Variants in GPD1L observed in about 807,000 individuals in gnomAD.
The protein encoded by GPD1L is glycerol-3-phosphate dehydrogenase 1 like, also known as glycerol-3-phosphate dehydrogenase 1-like protein.
GPD1L carries 17 observed loss-of-function variants against 32.9 expected under a neutral mutation model. That is an observed-to-expected ratio of 0.52 (90% CI 0.35 to 0.78). The LOEUF is 0.78. GPD1L is among the 30% of genes least tolerant of loss of function. The pLI, the probability that GPD1L is intolerant of heterozygous loss-of-function variation, is 0.01. For synonymous variants in GPD1L, 187 were observed against 165.9 expected, an observed-to-expected ratio of 1.13 and a Z score of -0.98; for missense variants, 361 against 447.8, an observed-to-expected ratio of 0.81 and a Z score of 1.75.
intron 7 of GPD1L, among the ~76,000 whole-genome samples, chr3:32,161,247 G>C (rs1303059515): frequency 6.6e-6 from 1 of 152,148 alleles, no homozygotes; most frequent in Non-Finnish European, 1.5e-5. Context: ...GGTGGATGGA[G>C]CATTTGTCTT....
At position 32,158,861 on chromosome 3, in the gene GPD1L, T is replaced by C; in HGVS notation, c.619-15T>C. On this transcript the variant is annotated splice_polypyrimidine_tract_variant and intron_variant, in intron 5 of 7. Coordinates refer to ENST00000282541, the MANE Select transcript of GPD1L (RefSeq NM_015141.4). ...GTGCTGTAACGGCATCTGGGCTTTG[T>C]CATCTCCTTTGCAGAACATCGTAGC... 6.2e-7 allele frequency: 1 copy of C among 1,613,078 alleles called. No individual in the cohort carries two copies. The highest frequency in any genetic ancestry group is 8.5e-7 in the Non-Finnish European group (1 of 1,179,526).
rs781200890 is a variant in GPD1L at position 32,165,931 on chromosome 3, G to T, written c.*21G>T. 1 of 1,339,022 alleles carries T rather than the reference G, an allele frequency of 7.5e-7. No homozygotes were observed. The highest frequency in any genetic ancestry group is 1.1e-6 in the Non-Finnish European group (1 of 928,786). The allele number at this position is 1,339,022 out of a possible 1,614,324, so 82.9% of individuals were successfully genotyped here. On this transcript the variant is annotated 3_prime_UTR_variant, in exon 8 of 8. Coordinates refer to ENST00000282541, the MANE Select transcript of GPD1L (RefSeq NM_015141.4). ...CATAAAGTGAATCATGCAACGTGTT[G>T]GGGGAAGTTCTGCCTTTCTGATCAA...
At chr3:32,121,160 C>A (rs1017906538) in intron 1 of GPD1L, among the ~76,000 whole-genome samples, 2 of 151,784 alleles carry the variant, frequency 1.3e-5, no homozygotes, top group African/African-American at 4.8e-5. Flanking sequence ...TCTCCACCTT[C>A]CCTCCCTCCT....
At chr3:32,138,922 T>C (rs997573890) in intron 3 of GPD1L, among the ~76,000 whole-genome samples, 195 bp downstream of exon 3, 1 of 152,110 alleles carries the variant, frequency 6.6e-6, no homozygotes, top group Non-Finnish European at 1.5e-5. Flanking sequence ...CTGCTTTCCA[T>C]TGCAGCAGAC....
chr3:32,145,837 G>A (rs1700812269), intron 4 of GPD1L, among the ~76,000 whole-genome samples: 1 of 152,186 alleles, frequency 6.6e-6, no homozygotes, highest in South Asian at 2.1e-4. Context: ...GAACAGTAAT[G>A]CTACAGAGTA....
Position 32,146,739 on chromosome 3 carries a change from A to G in GPD1L, c.618+5A>G. The G allele has an allele frequency of 2.0e-6, 3 of 1,533,818 alleles. No homozygotes were observed. The highest frequency in any genetic ancestry group is 2.7e-6 in the Non-Finnish European group (3 of 1,107,880). The stretch of plus-strand genomic sequence containing the variant: ...GAACTCTGTGGTGCGCTTAAGGTAA[A>G]GTCAGCCTCAGGGGAGGAGTTCATC... On this transcript the variant is annotated splice_donor_5th_base_variant and intron_variant, in intron 5 of 7. Coordinates refer to ENST00000282541, the MANE Select transcript of GPD1L (RefSeq NM_015141.4).
intron 1 of GPD1L, among the ~76,000 whole-genome samples, chr3:32,121,459 ATATATATTTCTCTC>A (rs1559570381): frequency 0.068 from 9,272 of 136,200 alleles, 1,386 homozygotes; most frequent in African/African-American, 0.097. Flanking sequence ...ATTTCTCTCT[ATATATATTTCTCTC>A]TATATATATT....
intron 5 of GPD1L, among the ~76,000 whole-genome samples, chr3:32,154,914 A>AT (rs1231490906): frequency 6.6e-6 from 1 of 151,808 alleles, no homozygotes; most frequent in Non-Finnish European, 1.5e-5. Context: ...TGCCCAGCTA[A>AT]TTTTTTGTAT....
At chr3:32,124,112 C>G (rs963342004) in intron 1 of GPD1L, among the ~76,000 whole-genome samples, 5 of 152,140 alleles carry the variant, frequency 3.3e-5, no homozygotes, top group Non-Finnish European at 4.4e-5. Flanking sequence ...GTAGCCCAAG[C>G]TGGAATACAG....
intron 2 of GPD1L, among the ~76,000 whole-genome samples, chr3:32,136,649 G>T (rs941634749): frequency 2.0e-5 from 3 of 152,172 alleles, no homozygotes; most frequent in Admixed American, 2.0e-4. Context: ...AAGGTAATAG[G>T]CTAAGATACT....
At position 32,121,754 on chromosome 3, in the gene GPD1L, T is replaced by C. The variant is rs1212266448; in HGVS notation, c.48-6322T>C. On this transcript the variant is annotated intron_variant, in intron 1 of 7. Coordinates refer to ENST00000282541, the MANE Select transcript of GPD1L (RefSeq NM_015141.4). ...ATATATTTCTATATATATATTTCTA[T>C]ATATATATATTTCTATATATATATA... is the stretch of plus-strand genomic sequence containing the variant. Among the ~76,000 whole-genome samples, 30 of 140,216 alleles carry C rather than the reference T, an allele frequency of 2.1e-4. 2 individuals are homozygous for C. The Admixed American group carries it at 2.3e-3, about 11-fold the overall frequency. 92.0% of individuals were successfully genotyped at this position (140,216 alleles called of 152,430 possible).
chr3:32,139,467 A>ATGTTTT (rs1700708601), intron 3 of GPD1L, among the ~76,000 whole-genome samples: 2 of 152,240 alleles, frequency 1.3e-5, no homozygotes, highest in Non-Finnish European at 2.9e-5. Flanking sequence ...TTTTTAAACA[A>ATGTTTT]ATTTCAACAT....
chr3:32,109,256 T>G (rs369161258), intron 1 of GPD1L, among the ~76,000 whole-genome samples: 1 of 152,212 alleles, frequency 6.6e-6, no homozygotes, highest in Non-Finnish European at 1.5e-5. Context: ...TAACATTAGT[T>G]TTTTAGTCTG....
chr3:32,120,065 CT>C (rs1700387711), intron 1 of GPD1L, among the ~76,000 whole-genome samples: 1 of 151,972 alleles, frequency 6.6e-6, no homozygotes, highest in Admixed American at 6.6e-5. Flanking sequence ...TGGCTCACAA[CT>C]GTAATCCCAG....
chr3:32,117,783 A>G lies in GPD1L; in HGVS notation c.48-10293A>G, dbSNP rs145861000. ...TGGTGGTCCTTAAAGGCAATTTGAG[A>G]CTGTGACTTAGACATTCTCCAGGAC... is the stretch of plus-strand genomic sequence containing the variant. On this transcript the variant is annotated intron_variant, in intron 1 of 7. Coordinates refer to ENST00000282541, the MANE Select transcript of GPD1L (RefSeq NM_015141.4). Among the ~76,000 whole-genome samples the G allele has an allele frequency of 9.2e-4, 140 of 152,248 alleles. 4 individuals are homozygous for G. The highest frequency in any genetic ancestry group is 8.6e-3 in the Admixed American group (132 of 15,300).
intron 2 of GPD1L, among the ~76,000 whole-genome samples, chr3:32,136,192 G>A (rs76216051): frequency 0.029 from 4,486 of 152,218 alleles, 315 homozygotes; most frequent in East Asian, 0.25. Context: ...CATCCACATG[G>A]TAGCCCCGTG....
At chr3:32,107,382 G>A (rs1366452930) in intron 1 of GPD1L, among the ~76,000 whole-genome samples, 1 of 152,218 alleles carries the variant, frequency 6.6e-6, no homozygotes, top group Non-Finnish European at 1.5e-5. Context: ...GAAGCTTTGC[G>A]TCTCTTTGGG....
chr3:32,122,236 A>T (rs1022816182), intron 1 of GPD1L, among the ~76,000 whole-genome samples: 10 of 151,848 alleles, frequency 6.6e-5, no homozygotes, highest in African/African-American at 2.4e-4. Context: ...TCAATAAAAG[A>T]CTCTACACTA....
chr3:32,111,059 T>C (rs868801594), intron 1 of GPD1L, among the ~76,000 whole-genome samples: 3 of 151,954 alleles, frequency 2.0e-5, no homozygotes, highest in Admixed American at 6.6e-5. Flanking sequence ...ACAGACAGGG[T>C]TTTGCCGTGT....
Sources: allele counts gnomAD v4.1 joint callset (sites outside exome capture counted in the v4.1 genomes callset), GRCh38; gene constraint gnomAD v4.1.1; transcripts MANE v1.5; gene names NCBI Gene and HGNC (gene_info 2026-07-23, HGNC 2026-07-21).